Variants in SUGCT observed in about 807,000 individuals in gnomAD.
The protein encoded by SUGCT is succinyl-CoA:glutarate-CoA transferase.
SUGCT carries 41 observed loss-of-function variants against 55.0 expected under a neutral mutation model. The ratio of observed to expected loss-of-function variants is 0.74; its 90% CI spans 0.58 to 0.97. SUGCT has a LOEUF of 0.97. SUGCT is among the 50% of genes least tolerant of loss of function. The pLI, the probability that SUGCT is intolerant of heterozygous loss-of-function variation, is 0.00. For missense variants in SUGCT, 568 were observed against 547.8 expected, an observed-to-expected ratio of 1.04 and a Z score of -0.37; for synonymous variants, 187 against 200.4, an observed-to-expected ratio of 0.93 and a Z score of 0.56.
the SUGCT span, among the ~76,000 whole-genome samples, chr7:40,930,851 A>G: frequency 1.3e-5 from 2 of 152,188 alleles, no homozygotes; most frequent in African/African-American, 2.4e-5. Context: ...TAAATATACA[A>G]TCATGTCACT....
intron 6 of SUGCT, among the ~76,000 whole-genome samples, chr7:40,205,909 A>G (rs1417868394): frequency 6.6e-6 from 1 of 152,180 alleles, no homozygotes; most frequent in Non-Finnish European, 1.5e-5. Context: ...CTAGAAATAC[A>G]GTATAAATTT....
intron 11 of SUGCT, among the ~76,000 whole-genome samples, chr7:40,463,734 C>T (rs975482242): frequency 1.3e-5 from 2 of 152,194 alleles, no homozygotes; most frequent in African/African-American, 2.4e-5. Flanking sequence ...CCAACCAGGG[C>T]TGTGAGCAAG....
intron 9 of SUGCT, among the ~76,000 whole-genome samples, chr7:40,405,574 C>T (rs1159667304): frequency 1.3e-5 from 2 of 151,976 alleles, no homozygotes; most frequent in Admixed American, 6.6e-5. Context: ...CTTTGGGAGG[C>T]CAAGGCAGGT....
At chr7:40,506,429 A>C (rs976218993) in intron 12 of SUGCT, among the ~76,000 whole-genome samples, 4 of 152,096 alleles carry the variant, frequency 2.6e-5, no homozygotes, top group Admixed American at 6.6e-5. Flanking sequence ...CAAGGACGAA[A>C]GATTTCCTCT....
At chr7:40,568,199 G>C (rs2151681102) in intron 12 of SUGCT, among the ~76,000 whole-genome samples, 1 of 152,254 alleles carries the variant, frequency 6.6e-6, no homozygotes, top group South Asian at 2.1e-4. Context: ...TGATTCAGTG[G>C]AAAGTTAGTC....
chr7:40,210,429 ATT>A (rs1787266056), intron 6 of SUGCT, among the ~76,000 whole-genome samples: 2 of 151,954 alleles, frequency 1.3e-5, no homozygotes, highest in African/African-American at 4.8e-5. Flanking sequence ...TGATACAATG[ATT>A]CCATTAAGCT....
chr7:40,873,171 A>G, the SUGCT span, among the ~76,000 whole-genome samples: 1 of 152,254 alleles, frequency 6.6e-6, no homozygotes, highest in African/African-American at 2.4e-5. Flanking sequence ...AACATTTGCA[A>G]TTCTGTCCAA....
downstream of SUGCT, among the ~76,000 whole-genome samples, chr7:40,863,481 C>T (rs950703477): frequency 1.3e-5 from 2 of 152,090 alleles, no homozygotes; most frequent in African/African-American, 2.4e-5. Context: ...TTCATTCATA[C>T]GTAGGATTCA....
At chr7:40,699,269 A>G (rs1785071987) in intron 12 of SUGCT, among the ~76,000 whole-genome samples, 1 of 152,158 alleles carries the variant, frequency 6.6e-6, no homozygotes, top group African/African-American at 2.4e-5. Flanking sequence ...ACTGAGAAAT[A>G]TATCAATAAC....
chr7:40,241,149 A>G (rs1443511115), intron 7 of SUGCT, among the ~76,000 whole-genome samples: 3 of 152,250 alleles, frequency 2.0e-5, no homozygotes, highest in Non-Finnish European at 4.4e-5. Context: ...TGATAATCTC[A>G]TATATTTCTC....
intron 7 of SUGCT, among the ~76,000 whole-genome samples, chr7:40,250,828 C>CTTCTTTTTTTTTTTTTTTT (rs1253390486): frequency 8.2e-6 from 1 of 121,266 alleles, no homozygotes; most frequent in African/African-American, 3.7e-5. Flanking sequence ...TTTCACGCTT[C>CTTCTTTTTTTTTTTTTTTT]TTTTTTTTTT....
chr7:40,733,654 C>T (rs534526230), intron 12 of SUGCT, among the ~76,000 whole-genome samples: 67 of 152,218 alleles, frequency 4.4e-4, no homozygotes, highest in Non-Finnish European at 8.5e-4. Flanking sequence ...GTGCAGTGTC[C>T]GTGTCTTTCT....
intron 13 of SUGCT, among the ~76,000 whole-genome samples, chr7:40,814,349 T>G (rs572760495): frequency 6.6e-6 from 1 of 152,270 alleles, no homozygotes; most frequent in South Asian, 2.1e-4. Flanking sequence ...CATTTGTAAG[T>G]TTGGTCACTT....
intron 13 of SUGCT, among the ~76,000 whole-genome samples, chr7:40,815,066 A>G (rs1791601187): frequency 6.6e-6 from 1 of 152,148 alleles, no homozygotes. Flanking sequence ...TGCAGCCAAC[A>G]TGGTTGGATA....
At chr7:40,980,770 C>G in the SUGCT span, among the ~76,000 whole-genome samples, 1 of 152,120 alleles carries the variant, frequency 6.6e-6, no homozygotes, top group Non-Finnish European at 1.5e-5. Context: ...GATCTCAGCT[C>G]ACTACAACTT....
chr7:40,289,208 T>A (rs994770829), intron 8 of SUGCT, among the ~76,000 whole-genome samples: 1 of 151,852 alleles, frequency 6.6e-6, no homozygotes, highest in Non-Finnish European at 1.5e-5. Context: ...CATGTGGGCC[T>A]AATGAAACTA....
intron 12 of SUGCT, among the ~76,000 whole-genome samples, chr7:40,554,624 G>A (rs1473069701): frequency 6.6e-6 from 1 of 152,158 alleles, no homozygotes; most frequent in Non-Finnish European, 1.5e-5. Flanking sequence ...CAGAAGAGGT[G>A]TGTTGTATTT....
chr7:40,653,434 T>A (rs1800872537), intron 12 of SUGCT, among the ~76,000 whole-genome samples: 1 of 152,216 alleles, frequency 6.6e-6, no homozygotes, highest in African/African-American at 2.4e-5. Context: ...CCTTTGAAAA[T>A]TTATAGCATG....
chr7:40,638,798 G>A (rs1021858221), intron 12 of SUGCT, among the ~76,000 whole-genome samples: 3 of 152,142 alleles, frequency 2.0e-5, no homozygotes, highest in Non-Finnish European at 2.9e-5. Context: ...GGTCATGACT[G>A]GGTGAAGGAG....
Sources: gnomAD v4.1 joint callset for allele counts (sites outside exome capture counted in the v4.1 genomes callset) on GRCh38, gnomAD v4.1.1 for gene constraint, MANE v1.5 for transcripts, NCBI Gene and HGNC (gene_info 2026-07-23, HGNC 2026-07-21) for gene names.